The following PRCP variants were observed in gnomAD, a reference collection of about 807,000 sequenced individuals.
The protein encoded by PRCP is prolylcarboxypeptidase.
A neutral mutation model predicts 54.2 loss-of-function variants in PRCP; 46 were observed. The observed-to-expected ratio is 0.85, with a 90% confidence interval of 0.67 to 1.09. The LOEUF (loss-of-function observed/expected upper bound fraction) is 1.09, where lower values mean the gene tolerates loss of function less well. Among genes scored for constraint, PRCP ranks in the 50% least tolerant of loss-of-function variants. PRCP has a pLI of 0.00. For missense variants in PRCP, 613 were observed against 596.8 expected, an observed-to-expected ratio of 1.03 and a Z score of -0.28; for synonymous variants, 240 against 212.2, an observed-to-expected ratio of 1.13 and a Z score of -1.14.
At chr11:82,884,990 C>T in intron 1 of PRCP, 1 of 1,444,402 alleles carries the variant, frequency 6.9e-7, no homozygotes. Flanking sequence ...TCAATATTGT[C>T]ATGTGAAAGA....
At position 82,838,574 on chromosome 11, in the gene PRCP, C is replaced by A; in HGVS notation, c.1087G>T (p.Ala363Ser). The change falls in exon 8 of 9, where the codon GCC (alanine) becomes TCC (serine). Residue 363 changes from alanine to serine, a missense_variant and splice_region_variant. Coordinates refer to ENST00000313010, the MANE Select transcript of PRCP (RefSeq NM_005040.4). ...AAGGGCATGACTACTTCTGTGCAGG[C>A]CTAAGAAGCAAACCAAGAGAGAATC... ...SLGTLGWSYQ[A>S]CTEVVMPFCT... The A allele has an allele frequency of 1.9e-6, 3 of 1,605,576 alleles. No individual in the cohort carries two copies. The highest frequency in any genetic ancestry group is 1.7e-6 in the Non-Finnish European group (2 of 1,177,062).
chr11:82,823,703 CTCTCTCTG>C lies in PRCP; in HGVS notation c.*1195_*1202del, dbSNP rs1858150143. 1 of 152,004 alleles carries C rather than the reference CTCTCTCTG, an allele frequency of 6.6e-6. No homozygotes were observed. Among genetic ancestry groups the C allele is most frequent in the South Asian group, 2.1e-4 (1 of 4,824 alleles). 9.4% of individuals were successfully genotyped at this position (152,004 alleles called of 1,614,324 possible). On this transcript the variant is annotated 3_prime_UTR_variant, in exon 9 of 9. Coordinates refer to ENST00000313010, the MANE Select transcript of PRCP (RefSeq NM_005040.4). ...AACAGAGTAGAAACTGTTAGTCTCT[CTCTCTCTG>C]TCTCTCTGTGTCCCTGAAAGGTTTT...
chr11:82,841,582 A>T (rs1413339724), intron 6 of PRCP, among the ~76,000 whole-genome samples: 2 of 152,340 alleles, frequency 1.3e-5, no homozygotes, highest in East Asian at 3.9e-4. Context: ...GCTGAATGTG[A>T]GAAAAGTCAG....
rs990787815 is a variant in PRCP, at chr11:82,823,323, A to T, written c.*1583T>A. On this transcript the variant is annotated 3_prime_UTR_variant, in exon 9 of 9. Coordinates refer to ENST00000313010, the MANE Select transcript of PRCP (RefSeq NM_005040.4). ...TTAATTTCTTAGTTGACAAAGAATAAAAACTAGTATTGTTTTGGCCCTTAA... is the reference window on the plus strand; with the variant it reads ...TTAATTTCTTAGTTGACAAAGAATATAAACTAGTATTGTTTTGGCCCTTAA... 1.3e-5 allele frequency among the ~76,000 whole-genome samples: 2 copies of T among 152,222 alleles called. No individual in the cohort carries two copies. The highest frequency in any genetic ancestry group is 2.9e-5 in the Non-Finnish European group (2 of 68,036).
rs768127296 is a variant in PRCP, at chr11:82,824,976, C to T, written c.1421G>A (p.Arg474His). Residue 474 changes from arginine to histidine, a missense_variant, in exon 9 of 9, where the codon CGC (arginine) becomes CAC (histidine). Arg to His is a conservative substitution (Grantham distance 29). Coordinates refer to ENST00000313010, the MANE Select transcript of PRCP (RefSeq NM_005040.4). ...CTTCATATGTCTAACTTCCAAGGAGCGGGCTAACAGCACAGACATAGGATC... is the reference window on the plus strand; with the variant it reads ...CTTCATATGTCTAACTTCCAAGGAGTGGGCTAACAGCACAGACATAGGATC... ...ALDPMSVLLARSLEVRHMKNW... is the reference protein window; with the variant it reads ...ALDPMSVLLAHSLEVRHMKNW... The T allele has an allele frequency of 5.2e-5, 84 of 1,613,920 alleles. No individual in the cohort carries two copies. The highest frequency in any genetic ancestry group is 1.6e-4 in the East Asian group (7 of 44,888).
At chr11:82,886,502 T>C (rs1286889417) in intron 1 of PRCP, among the ~76,000 whole-genome samples, 1 of 152,200 alleles carries the variant, frequency 6.6e-6, no homozygotes, top group Non-Finnish European at 1.5e-5. Flanking sequence ...CATGCTAGTC[T>C]CAAACTCCTG....
At position 82,826,670 on chromosome 11, in the gene PRCP, A is replaced by G. The variant is rs980237247; in HGVS notation, c.1275-1548T>C. 2.0e-5 allele frequency: 3 copies of G among 152,292 alleles called. No homozygotes were observed. The South Asian group carries it at 6.2e-4, about 32-fold the overall frequency. The allele number at this position is 152,292 out of a possible 1,614,324, so 9.4% of individuals were successfully genotyped here. On this transcript the variant is annotated intron_variant, in intron 8 of 8. Transcript: ENST00000313010. ...GCTAGTAAGTATTAAATGGTATTTC[A>G]CTGTGGTTTTAATTTGCATTTCCCA...
rs558350788 is a variant in PRCP, at chr11:82,866,358, A to G, written c.169-6241T>C. On this transcript the variant is annotated intron_variant, in intron 1 of 8. Coordinates refer to ENST00000313010, the MANE Select transcript of PRCP (RefSeq NM_005040.4). The stretch of plus-strand genomic sequence containing the variant: ...TAGAGGGTCGAGCTTCCATCTTAAC[A>G]AAAAGGGTGGAAGTCCTCTCAGAGA... Among the ~76,000 whole-genome samples the G allele has an allele frequency of 3.3e-5, 5 of 152,312 alleles. No individual in the cohort carries two copies. In the South Asian group the frequency reaches 1.0e-3, roughly 32 times the overall value.
intron 1 of PRCP, among the ~76,000 whole-genome samples, chr11:82,881,169 G>A (rs1409407787): frequency 6.6e-6 from 1 of 152,046 alleles, no homozygotes; most frequent in Non-Finnish European, 1.5e-5. Flanking sequence ...TCATTTAGTG[G>A]GTCATAGTGT....
chr11:82,871,217 G>C (rs1198025343), intron 1 of PRCP, among the ~76,000 whole-genome samples: 1 of 114,594 alleles, frequency 8.7e-6, no homozygotes, highest in African/African-American at 3.4e-5. Context: ...ATCTGACTCT[G>C]TCGCCCAGGC....
chr11:82,878,642 G>T (rs1025040352), intron 1 of PRCP, among the ~76,000 whole-genome samples: 1 of 152,162 alleles, frequency 6.6e-6, no homozygotes, highest in Non-Finnish European at 1.5e-5. Context: ...AGCACTGAGG[G>T]TCTTTATAAT....
intron 8 of PRCP, chr11:82,825,323 A>T (rs1591030701): frequency 3.5e-6 from 2 of 565,548 alleles, no homozygotes; most frequent in African/African-American, 3.8e-5. Context: ...CCAGGTGCAA[A>T]AAAAGAACCA....
At chr11:82,837,484 G>A (rs916822175) in intron 8 of PRCP, among the ~76,000 whole-genome samples, 2 of 152,084 alleles carry the variant, frequency 1.3e-5, no homozygotes, top group African/African-American at 2.4e-5. Context: ...ATAGACTTCT[G>A]TAAAATGCAA....
At chr11:82,900,214 G>A in intron 1 of PRCP, 21 bp downstream of exon 1, 1 of 1,613,094 alleles carries the variant, frequency 6.2e-7, no homozygotes, top group Non-Finnish European at 8.5e-7. Context: ...CTGGGACGGC[G>A]AAGCCCCCGC....
intron 1 of PRCP, among the ~76,000 whole-genome samples, chr11:82,861,546 A>C (rs1412821948): frequency 6.6e-6 from 1 of 152,172 alleles, no homozygotes; most frequent in Non-Finnish European, 1.5e-5. Flanking sequence ...GGGATTATGT[A>C]TCTCCTCATG....
upstream of PRCP, chr11:82,900,631 A>G (rs13306596): frequency 1.9e-4 from 130 of 686,280 alleles, no homozygotes; most frequent in East Asian, 3.7e-3. Context: ...CTCTCGTGCC[A>G]TCTGCTCCTT....
chr11:82,836,692 G>C (rs748280440), intron 8 of PRCP, among the ~76,000 whole-genome samples: 7 of 152,132 alleles, frequency 4.6e-5, no homozygotes, highest in Non-Finnish European at 8.8e-5. Context: ...GAGACTGCAG[G>C]TACATGCCAC....
chr11:82,860,101 A>C lies in PRCP; in HGVS notation c.185T>G (p.Phe62Cys). The C allele has an allele frequency of 6.5e-7, 1 of 1,535,844 alleles. No homozygotes were observed. Among genetic ancestry groups the C allele is most frequent in the Non-Finnish European group, 8.8e-7 (1 of 1,138,732 alleles). Reference sequence around the variant, plus strand: ...CTGATTAAAAGTTTTCACAGTATTAAATCCAAAATGATCAACCTGTGATAA... The same window carrying C: ...CTGATTAAAAGTTTTCACAGTATTACATCCAAAATGATCAACCTGTGATAA... ...YFQQKVDHFG[F>C]NTVKTFNQRY... Residue 62 changes from phenylalanine (F) to cysteine (C), a missense_variant, in exon 2 of 9, where the codon TTT becomes TGT. Transcript: ENST00000313010.
intron 1 of PRCP, among the ~76,000 whole-genome samples, chr11:82,873,066 G>GTT (rs11415071): frequency 0.39 from 45,900 of 118,830 alleles, 7,245 homozygotes; most frequent in Admixed American, 0.44. Context: ...ATTCTGATCT[G>GTT]TTTTTTTTTT....
Sources: allele counts gnomAD v4.1 joint callset (sites outside exome capture counted in the v4.1 genomes callset), GRCh38; gene constraint gnomAD v4.1.1; transcripts MANE v1.5; gene names NCBI Gene and HGNC (gene_info 2026-07-23, HGNC 2026-07-21).